The following C3orf62 variants were observed in gnomAD, a reference collection of about 807,000 sequenced individuals.
The protein encoded by C3orf62 is chromosome 3 open reading frame 62.
Under a neutral mutation model 21.7 loss-of-function variants are expected in C3orf62, and 16 were observed. The ratio of observed to expected loss-of-function variants is 0.74; its 90% CI spans 0.50 to 1.12. The LOEUF is 1.12. Among genes scored for constraint, C3orf62 ranks in the 50% most tolerant of loss-of-function variants. The pLI is 0.00. For synonymous variants in C3orf62, 114 were observed against 117.0 expected (o/e 0.97, Z 0.17); for missense variants, 310 against 318.8 (o/e 0.97, Z 0.21).
At chr3:49,273,938 A>C in intron 2 of C3orf62, 111 bp downstream of exon 2, 2 of 757,302 alleles carry the variant, frequency 2.6e-6, no homozygotes, top group Non-Finnish European at 4.6e-6. Context: ...ACAGGCATGA[A>C]CCACCGTGCC....
At chr3:49,272,750 G>T (rs1315906841) in intron 2 of C3orf62, among the ~76,000 whole-genome samples, 3 of 151,198 alleles carry the variant, frequency 2.0e-5, no homozygotes, top group Non-Finnish European at 4.4e-5. Context: ...AAGGGGTTTT[G>T]CCATGTTGCC....
At chr3:49,274,493 C>G (rs947786815) in intron 1 of C3orf62, 9 of 165,852 alleles carry the variant, frequency 5.4e-5, no homozygotes, top group African/African-American at 1.4e-4. Flanking sequence ...CCTCACCCAG[C>G]CTGCATTTGT....
chr3:49,275,588 T>C (rs1370976172), intron 1 of C3orf62, among the ~76,000 whole-genome samples: 13 of 126,892 alleles, frequency 1.0e-4, no homozygotes, highest in Non-Finnish European at 1.6e-5. Context: ...TGGAGTGCAG[T>C]GGCGTGATCT....
At chr3:49,271,561 G>C in intron 2 of C3orf62, 116 bp from the exon 3 acceptor site, 1 of 1,318,218 alleles carries the variant, frequency 7.6e-7, no homozygotes, top group Non-Finnish European at 1.0e-6. Context: ...TGTAAAAGCA[G>C]GCATTCCTGC....
chr3:49,277,218 TCATCGCATGCGCGTGCCCCGCG>T, exon 1 of C3orf62: 1 of 1,328,550 alleles, frequency 7.5e-7, no homozygotes, highest in Non-Finnish European at 9.9e-7. Flanking sequence ...CATCCAACGG[TCATCGCATGCGCGTGCCCCGCG>T]CAGGCCCCAA....
chr3:49,271,594 A>T (rs1248998926), intron 2 of C3orf62, 149 bp from the exon 3 acceptor site: 1 of 1,021,038 alleles, frequency 9.8e-7, no homozygotes, highest in Non-Finnish European at 1.4e-6. Flanking sequence ...AGGCTGCCAG[A>T]CTGCCAAATT....
At position 49,276,455 on chromosome 3, in the gene C3orf62, CCT is replaced by C. The variant is rs868287641; in HGVS notation, c.416_417del (p.Glu139GlyfsTer20). The C allele has an allele frequency of 3.1e-6, 5 of 1,609,624 alleles. No homozygotes were observed. Among genetic ancestry groups the C allele is most frequent in the East Asian group, 2.2e-5 (1 of 44,764 alleles). ...PERESWRTAG[E>X]GENWRKENLR... ...AAATTTTCTTTTCTCCAGTTTTCCC[CCT>C]CTCCTGCAGTTCTCCAAGACTCTCT... On this transcript the variant is annotated frameshift_variant, in exon 1 of 3. Transcript: ENST00000343010. LOFTEE classifies it high-confidence loss of function.
chr3:49,273,611 A>G (rs923349454), intron 2 of C3orf62, among the ~76,000 whole-genome samples: 1 of 151,934 alleles, frequency 6.6e-6, no homozygotes, highest in African/African-American at 2.4e-5. Context: ...AAAAAATTTT[A>G]AGAGACAGAT....
rs753231541 is a variant in C3orf62 at position 49,276,867 on chromosome 3, A to G, written c.6T>C (p.His2=). The part of the protein sequence containing the change: M[H]YIKTWSLLGE... The stretch of plus-strand genomic sequence containing the variant: ...CTAAAAGCGACCATGTCTTTATGTA[A>G]TGCATTGGAAATGCACAGGACAACA... The change falls in exon 1 of 3, where the codon CAT becomes CAC. Residue 2 remains histidine, a synonymous_variant. Coordinates refer to ENST00000343010, the MANE Select transcript of C3orf62 (RefSeq NM_198562.3). 6.2e-7 allele frequency: 1 copy of G among 1,610,362 alleles called. No homozygotes were observed. Among genetic ancestry groups the G allele is most frequent in the African/African-American group, 1.3e-5 (1 of 74,722 alleles).
Position 49,268,945 on chromosome 3 carries a change from T to C in C3orf62, c.*2235A>G, listed in dbSNP as rs936245168. On this transcript the variant is annotated 3_prime_UTR_variant, in exon 3 of 3. Coordinates refer to ENST00000343010, the MANE Select transcript of C3orf62 (RefSeq NM_198562.3). ...TGATGCCTGGCTAATTTTTGTATTT[T>C]TAGCAGAGATGGGGTTTCACCATGT... The C allele has an allele frequency of 1.3e-5, 2 of 152,208 alleles. No homozygotes were observed. The highest frequency in any genetic ancestry group is 4.8e-5 in the African/African-American group (2 of 41,434). 9.4% of individuals were successfully genotyped at this position (152,208 alleles called of 1,614,324 possible). A position where few individuals can be genotyped will look rare whatever the true frequency, so the allele number is the denominator to read the frequency against.
intron 1 of C3orf62, 109 bp downstream of exon 1, chr3:49,276,318 A>G: frequency 1.9e-6 from 2 of 1,044,198 alleles, no homozygotes; most frequent in Non-Finnish European, 2.8e-6. Flanking sequence ...CAGAGCTGCC[A>G]AGAGGAGGCA....
rs2046960685 is a variant in C3orf62, at chr3:49,276,451, T to C, written c.422A>G (p.Glu141Gly). The stretch of plus-strand genomic sequence containing the variant: ...CCTTAAATTTTCTTTTCTCCAGTTT[T>C]CCCCCTCTCCTGCAGTTCTCCAAGA... ...RESWRTAGEG[E>G]NWRKENLRKD... Residue 141 changes from glutamate to glycine, a missense_variant, in exon 1 of 3, where the codon GAA becomes GGA. Glu to Gly is a moderately conservative substitution (Grantham distance 98). Transcript: ENST00000343010. 1.2e-6 allele frequency: 2 copies of C among 1,608,820 alleles called. No homozygotes were observed. The highest frequency in any genetic ancestry group is 1.3e-5 in the African/African-American group (1 of 74,656).
At position 49,276,549 on chromosome 3, in the gene C3orf62, G is replaced by T; in HGVS notation, c.324C>A (p.Cys108Ter). ...APVNAKPHAL[C>*]PERKPLTSKE... is the part of the protein sequence containing the mutation. ...TGCTGGTTAGAGGTTTTCTCTCGGG[G>T]CACAGAGCATGTGGTTTTGCATTTA... is the stretch of plus-strand genomic sequence containing the variant. Residue 108 changes from cysteine (C) to a stop codon, truncating the protein, a stop_gained, in exon 1 of 3, where the codon TGC becomes TGA. Coordinates refer to ENST00000343010, the MANE Select transcript of C3orf62 (RefSeq NM_198562.3). LOFTEE classifies it high-confidence loss of function. The T allele has an allele frequency of 6.2e-7, 1 of 1,614,220 alleles. No homozygotes were observed. The highest frequency in any genetic ancestry group is 8.5e-7 in the Non-Finnish European group (1 of 1,180,046).
At position 49,271,137 on chromosome 3, in the gene C3orf62, G is replaced by A; in HGVS notation, c.*43C>T. On this transcript the variant is annotated 3_prime_UTR_variant, in exon 3 of 3. Transcript: ENST00000343010. ...GTAGCTGCTTCTGCTCAGGCTCAAG[G>A]GCAGCCTCCTGCTGTAAGGAATCAA... 1 of 1,584,996 alleles carries A rather than the reference G, an allele frequency of 6.3e-7. No homozygotes were observed. Among genetic ancestry groups the A allele is most frequent in the South Asian group, 1.1e-5 (1 of 87,928 alleles).
chr3:49,275,518 A>ATTTT (rs1559460002), intron 1 of C3orf62, among the ~76,000 whole-genome samples: 6 of 69,796 alleles, frequency 8.6e-5, no homozygotes, highest in Non-Finnish European at 1.4e-4. Context: ...AGAACTTTGA[A>ATTTT]GTTTTTTTTT....
chr3:49,274,098 T>C lies in C3orf62; in HGVS notation c.489A>G (p.Pro163=), dbSNP rs537326009. ...TGACCTCTTGGCTAGAATTGTTGAG[T>C]GGCATGTTTGAGTCAGCCTTCAAAT... The part of the protein sequence containing the change: ...ERDLKADSNM[P]LNNSSQEVTK... The change falls in exon 2 of 3, where the codon CCA becomes CCG. Residue 163 remains proline, a synonymous_variant. Coordinates refer to ENST00000343010, the MANE Select transcript of C3orf62 (RefSeq NM_198562.3). 3.7e-6 allele frequency: 6 copies of C among 1,614,110 alleles called. No homozygotes were observed. In the East Asian group the frequency reaches 1.3e-4, roughly 36 times the overall value.
chr3:49,272,534 CT>C (rs746086446), intron 2 of C3orf62, among the ~76,000 whole-genome samples: 3,194 of 51,332 alleles, frequency 0.062, 4 homozygotes, highest in African/African-American at 0.084. Flanking sequence ...TTCTCCTAAT[CT>C]TTTTTTTTTT....
chr3:49,274,293 T>A, intron 1 of C3orf62, 153 bp from the exon 2 acceptor site: 1 of 609,216 alleles, frequency 1.6e-6, no homozygotes, highest in Non-Finnish European at 2.9e-6. Flanking sequence ...AATTGGAAAC[T>A]GCTACATCAG....
At chr3:49,274,255 C>A in intron 1 of C3orf62, 115 bp from the exon 2 acceptor site, 1 of 743,266 alleles carries the variant, frequency 1.3e-6, no homozygotes. Context: ...TACTGGTGAC[C>A]TTGTCATTTA....
Sources: allele counts gnomAD v4.1 joint callset (sites outside exome capture counted in the v4.1 genomes callset), GRCh38; gene constraint gnomAD v4.1.1; transcripts MANE v1.5; gene names NCBI Gene and HGNC (gene_info 2026-07-23, HGNC 2026-07-21).